Variants in STX11 observed in about 807,000 individuals in gnomAD.
The protein encoded by STX11 is syntaxin-11.
Under a neutral mutation model 19.9 loss-of-function variants are expected in STX11, and 21 were observed. That is an observed-to-expected ratio of 1.06 (90% CI 0.75 to 1.52). STX11 has a LOEUF of 1.52. Ranked by LOEUF, STX11 falls within the 40% of genes most tolerant of loss-of-function variation. The pLI, the probability that STX11 is intolerant of heterozygous loss-of-function variation, is 0.00. For missense variants in STX11, 438 were observed against 405.9 expected, an observed-to-expected ratio of 1.08 and a Z score of -0.68; for synonymous variants, 193 against 174.4, an observed-to-expected ratio of 1.11 and a Z score of -0.84.
At chr6:144,179,367 A>G (rs1357565624) in intron 1 of STX11, among the ~76,000 whole-genome samples, 5 of 152,210 alleles carry the variant, frequency 3.3e-5, no homozygotes, top group Non-Finnish European at 5.9e-5. Flanking sequence ...GTGTCATTTT[A>G]AAAATCAAGA....
In STX11 at chr6:144,162,525, A is replaced by G. The variant is rs1014331330; in HGVS notation, c.-6+11822A>G. On this transcript the variant is annotated intron_variant, in intron 1 of 1. Transcript: ENST00000367568. The surrounding 1 kb of genome is among the most constrained non-coding windows in gnomAD (Gnocchi z 4.6). ...CAGAATGTGGAAGGCGTCTTCAAAA[A>G]TGCAAATATGCTTTCTTGATGGAGC... Among the ~76,000 whole-genome samples, 1 of 152,208 alleles carries G rather than the reference A, an allele frequency of 6.6e-6. No homozygotes were observed. The highest frequency in any genetic ancestry group is 1.5e-5 in the Non-Finnish European group (1 of 68,038).
chr6:144,140,258 A>ATATATATT, the STX11 span, among the ~76,000 whole-genome samples: 2 of 52,504 alleles, frequency 3.8e-5, no homozygotes, highest in African/African-American at 2.8e-4. Context: ...ATATATATTT[A>ATATATATT]TTTATTTATT....
chr6:144,165,684 A>G lies in STX11; in HGVS notation c.-6+14981A>G, dbSNP rs939491284. ...TCATTTTAGATCGTATCATCTGCAC[A>G]TGCTTCCAAAGGAGTGGTACTTATA... On this transcript the variant is annotated intron_variant, in intron 1 of 1. Coordinates refer to ENST00000367568, the MANE Select transcript of STX11 (RefSeq NM_003764.4). The surrounding 1 kb of genome is among the most constrained non-coding windows in gnomAD (Gnocchi z 5.8). Among the ~76,000 whole-genome samples, 1 of 152,204 alleles carries G rather than the reference A, an allele frequency of 6.6e-6. No individual in the cohort carries two copies. The highest frequency in any genetic ancestry group is 1.5e-5 in the Non-Finnish European group (1 of 68,024).
rs978508728 is a variant in STX11, at chr6:144,159,988, T to C, written c.-6+9285T>C. The stretch of plus-strand genomic sequence containing the variant: ...TCATGCTGGGTCCTTTTTCTCCTTT[T>C]CTGGCCAGTTCTTGTTTTTTAAAAA... On this transcript the variant is annotated intron_variant, in intron 1 of 1. Coordinates refer to ENST00000367568, the MANE Select transcript of STX11 (RefSeq NM_003764.4). This position sits in a 1 kb window ranked among gnomAD's most constrained non-coding sequence, Gnocchi z 4.3. Among the ~76,000 whole-genome samples, 3 of 152,078 alleles carry C rather than the reference T, an allele frequency of 2.0e-5. No homozygotes were observed. The highest frequency in any genetic ancestry group is 6.5e-5 in the Admixed American group (1 of 15,270).
chr6:144,164,821 G>A (rs555723300), intron 1 of STX11, among the ~76,000 whole-genome samples: 2 of 152,186 alleles, frequency 1.3e-5, no homozygotes, highest in South Asian at 4.1e-4. Context: ...AGCATCCCAA[G>A]TAGCTGGGAT....
Position 144,176,244 on chromosome 6 carries a change from A to G in STX11, c.-5-10379A>G, listed in dbSNP as rs1211288852. ...AGCGCCTCCCACCCTAACTCCCCCA[A>G]CAGCTTCAGTGCATGATTAAGTGGA... is the stretch of plus-strand genomic sequence containing the variant. On this transcript the variant is annotated intron_variant, in intron 1 of 1. Coordinates refer to ENST00000367568, the MANE Select transcript of STX11 (RefSeq NM_003764.4). The surrounding 1 kb of genome is among the most constrained non-coding windows in gnomAD (Gnocchi z 4.1). Among the ~76,000 whole-genome samples, 1 of 152,108 alleles carries G rather than the reference A, an allele frequency of 6.6e-6. No individual in the cohort carries two copies. The highest frequency in any genetic ancestry group is 1.5e-5 in the Non-Finnish European group (1 of 68,016).
the STX11 span, among the ~76,000 whole-genome samples, chr6:144,143,523 C>T: frequency 1.3e-5 from 2 of 152,046 alleles, no homozygotes. Flanking sequence ...GAGAGAGAGA[C>T]GTGTAGAGAA....
In STX11 at chr6:144,172,077, T is replaced by C. The variant is rs1801655347; in HGVS notation, c.-5-14546T>C. On this transcript the variant is annotated intron_variant, in intron 1 of 1. Coordinates refer to ENST00000367568, the MANE Select transcript of STX11 (RefSeq NM_003764.4). This position sits in a 1 kb window ranked among gnomAD's most constrained non-coding sequence, Gnocchi z 4.2. ...AATTTATCCATGATTCACAGCAGCC[T>C]CCATGTCTTCTTTAAAGAAGAATAC... Among the ~76,000 whole-genome samples, 2 of 152,200 alleles carry C rather than the reference T, an allele frequency of 1.3e-5. No individual in the cohort carries two copies. Among genetic ancestry groups the C allele is most frequent in the Admixed American group, 1.3e-4 (2 of 15,270 alleles).
At position 144,186,285 on chromosome 6, in the gene STX11, G is replaced by C. The variant is rs376116596; in HGVS notation, c.-5-338G>C. ...TACATATGTAACAAACCTGCACGTT[G>C]TGCACATGTACCCTAGAACTTAAAG... On this transcript the variant is annotated intron_variant, in intron 1 of 1. Transcript: ENST00000367568. 1.6e-4 allele frequency among the ~76,000 whole-genome samples: 24 copies of C among 150,330 alleles called. No individual in the cohort carries two copies. The South Asian group carries it at 5.0e-3, about 31-fold the overall frequency.
chr6:144,191,797 T>C lies in STX11; in HGVS notation c.*4306T>C, dbSNP rs768881680. On this transcript the variant is annotated 3_prime_UTR_variant, in exon 2 of 2. Transcript: ENST00000367568. ...GGGGCTATTAGAAATGGAAAACGAATAGGATCTAGAATGTAACTTCATCAT... is the reference window on the plus strand; with the variant it reads ...GGGGCTATTAGAAATGGAAAACGAACAGGATCTAGAATGTAACTTCATCAT... Among the ~76,000 whole-genome samples, 4 of 152,226 alleles carry C rather than the reference T, an allele frequency of 2.6e-5. No individual in the cohort carries two copies. Among genetic ancestry groups the C allele is most frequent in the Non-Finnish European group, 4.4e-5 (3 of 68,040 alleles).
At chr6:144,163,676 G>A (rs1051818517) in intron 1 of STX11, among the ~76,000 whole-genome samples, 2 of 152,000 alleles carry the variant, frequency 1.3e-5, no homozygotes, top group Non-Finnish European at 2.9e-5. Context: ...GTAGAGACAG[G>A]GTTTCTCCAT....
rs1801791808 is a variant in STX11, at chr6:144,176,918, G to A, written c.-5-9705G>A. Among the ~76,000 whole-genome samples the A allele has an allele frequency of 6.6e-6, 1 of 152,190 alleles. No homozygotes were observed. Among genetic ancestry groups the A allele is most frequent in the Non-Finnish European group, 1.5e-5 (1 of 68,034 alleles). Reference sequence around the variant, plus strand: ...ACATGGAAAACCCTCATGCATTGATGATGTTGGATAACTCAGATATTTCCG... The same window carrying A: ...ACATGGAAAACCCTCATGCATTGATAATGTTGGATAACTCAGATATTTCCG... On this transcript the variant is annotated intron_variant, in intron 1 of 1. Coordinates refer to ENST00000367568, the MANE Select transcript of STX11 (RefSeq NM_003764.4). The surrounding 1 kb of genome is among the most constrained non-coding windows in gnomAD (Gnocchi z 4.1).
At chr6:144,146,613 T>C (rs1319286615), upstream of STX11, among the ~76,000 whole-genome samples, 3 of 152,070 alleles carry the variant, frequency 2.0e-5, no homozygotes, top group Non-Finnish European at 2.9e-5. The surrounding 1 kb of genome is among the most constrained non-coding windows in gnomAD (Gnocchi z 4.4). Flanking sequence ...CGTCCAGCTC[T>C]TGCTTTTAAT....
rs1801091785 is a variant in STX11, at chr6:144,154,787, G to A, written c.-6+4084G>A. ...CCTCTAACTTCCAGAATTTTATTAAGTGAGTCTGGTCCTGCTGTGTCTCCT... is the reference window on the plus strand; with the variant it reads ...CCTCTAACTTCCAGAATTTTATTAAATGAGTCTGGTCCTGCTGTGTCTCCT... On this transcript the variant is annotated intron_variant, in intron 1 of 1. Coordinates refer to ENST00000367568, the MANE Select transcript of STX11 (RefSeq NM_003764.4). This position sits in a 1 kb window ranked among gnomAD's most constrained non-coding sequence, Gnocchi z 4.7. Among the ~76,000 whole-genome samples, 2 of 152,172 alleles carry A rather than the reference G, an allele frequency of 1.3e-5. No individual in the cohort carries two copies. The highest frequency in any genetic ancestry group is 1.3e-4 in the Admixed American group (2 of 15,278).
rs1801989792 is a variant in STX11 at position 144,184,901 on chromosome 6, T to C, written c.-5-1722T>C. Reference sequence around the variant, plus strand: ...TTAACCTCTTGTCTGTCATATATTATAATTTCTCCCCAGTTGGTGGTTTGT... The same window carrying C: ...TTAACCTCTTGTCTGTCATATATTACAATTTCTCCCCAGTTGGTGGTTTGT... On this transcript the variant is annotated intron_variant, in intron 1 of 1. Transcript: ENST00000367568. This position sits in a 1 kb window ranked among gnomAD's most constrained non-coding sequence, Gnocchi z 6.5. Among the ~76,000 whole-genome samples the C allele has an allele frequency of 6.6e-6, 1 of 152,258 alleles. No homozygotes were observed. Among genetic ancestry groups the C allele is most frequent in the Non-Finnish European group, 1.5e-5 (1 of 68,040 alleles).
Position 144,172,131 on chromosome 6 carries a change from A to T in STX11, c.-5-14492A>T, listed in dbSNP as rs970182110. Among the ~76,000 whole-genome samples, 26 of 152,218 alleles carry T rather than the reference A, an allele frequency of 1.7e-4. No homozygotes were observed. The highest frequency in any genetic ancestry group is 3.7e-4 in the Non-Finnish European group (25 of 68,036). On this transcript the variant is annotated intron_variant, in intron 1 of 1. Transcript: ENST00000367568. This position sits in a 1 kb window ranked among gnomAD's most constrained non-coding sequence, Gnocchi z 4.2. ...TTAAGGAGCATGGAGAAACCCAAGG[A>T]GAGGTGTATCAGGTAGCTTTGTCAG...
At chr6:144,171,558 T>C (rs1240156796) in intron 1 of STX11, among the ~76,000 whole-genome samples, 3 of 152,316 alleles carry the variant, frequency 2.0e-5, no homozygotes, top group Non-Finnish European at 2.9e-5. Context: ...AAACCTCTTA[T>C]CAGACTGAAA....
the STX11 span, among the ~76,000 whole-genome samples, chr6:144,145,143 C>T: frequency 2.6e-5 from 4 of 152,106 alleles, no homozygotes; most frequent in African/African-American, 7.2e-5. Context: ...GTGGAAGCAA[C>T]GCAAGTGTCC....
chr6:144,180,847 G>T lies in STX11; in HGVS notation c.-5-5776G>T, dbSNP rs913018463. 6.6e-6 allele frequency among the ~76,000 whole-genome samples: 1 copy of T among 152,184 alleles called. No homozygotes were observed. The highest frequency in any genetic ancestry group is 2.4e-5 in the African/African-American group (1 of 41,426). ...AGTAGGCTATTCAAAGCAGGATCTAGGTCTCAATGGCTAGAATATTTAACT... is the reference window on the plus strand; with the variant it reads ...AGTAGGCTATTCAAAGCAGGATCTATGTCTCAATGGCTAGAATATTTAACT... On this transcript the variant is annotated intron_variant, in intron 1 of 1. Transcript: ENST00000367568. This position sits in a 1 kb window ranked among gnomAD's most constrained non-coding sequence, Gnocchi z 5.3.
Sources: allele counts gnomAD v4.1 joint callset (sites outside exome capture counted in the v4.1 genomes callset), GRCh38; gene constraint gnomAD v4.1.1; non-coding constraint Gnocchi (gnomAD v3.1); transcripts MANE v1.5; gene names NCBI Gene and HGNC (gene_info 2026-07-23, HGNC 2026-07-21).